CCDC149: variants seen among roughly 807,000 people sequenced by gnomAD.
CCDC149 encodes the protein coiled-coil domain containing 149.
In CCDC149, 45 loss-of-function variants were observed where a neutral mutation model predicts 59.9. That is an observed-to-expected ratio of 0.75 (90% confidence interval 0.59 to 0.96). The LOEUF is 0.96. Ranked by LOEUF, CCDC149 falls within the 40% of genes least tolerant of loss-of-function variation. The probability of loss-of-function intolerance (pLI) is 0.00; values close to 1 mark genes in which losing one functional copy is unlikely to be tolerated. For synonymous variants in CCDC149, 245 were observed against 260.6 expected (o/e 0.94, Z 0.58); for missense variants, 584 against 664.7 (o/e 0.88, Z 1.33).
chr4:24,962,240 G>A (rs1404734896), intron 1 of CCDC149, among the ~76,000 whole-genome samples: 2 of 152,140 alleles, frequency 1.3e-5, no homozygotes, highest in Non-Finnish European at 2.9e-5. Context: ...TCAGAGAAAT[G>A]CAAATCAAAA....
intron 1 of CCDC149, among the ~76,000 whole-genome samples, chr4:24,891,582 G>T: frequency 6.6e-6 from 1 of 152,214 alleles, no homozygotes; most frequent in East Asian, 1.9e-4. Flanking sequence ...AAAATGGGTT[G>T]TTCGGTTTAC....
At chr4:24,882,465 T>C (rs977585979) in intron 1 of CCDC149, among the ~76,000 whole-genome samples, 7 of 152,200 alleles carry the variant, frequency 4.6e-5, no homozygotes, top group Non-Finnish European at 1.0e-4. Context: ...GGGACCCTCA[T>C]GGGATAAATG....
intron 1 of CCDC149, among the ~76,000 whole-genome samples, chr4:24,886,169 C>T (rs1436064768): frequency 6.6e-6 from 1 of 152,210 alleles, no homozygotes; most frequent in Non-Finnish European, 1.5e-5. Flanking sequence ...TAGTAACTGA[C>T]ATTCTAACAA....
At chr4:24,878,703 T>C (rs1163410188) in intron 1 of CCDC149, among the ~76,000 whole-genome samples, 4 of 152,158 alleles carry the variant, frequency 2.6e-5, no homozygotes, top group South Asian at 4.2e-4. Flanking sequence ...CCAAAGACAC[T>C]CGTGCCTTCC....
At chr4:24,861,162 T>C (rs892720406) in intron 3 of CCDC149, among the ~76,000 whole-genome samples, 1 of 152,148 alleles carries the variant, frequency 6.6e-6, no homozygotes, top group Middle Eastern at 3.2e-3. Flanking sequence ...CACTTGCACA[T>C]GCATGTTTGT....
chr4:24,818,369 C>A (rs145204347), intron 12 of CCDC149, among the ~76,000 whole-genome samples: 15 of 151,988 alleles, frequency 9.9e-5, no homozygotes, highest in Admixed American at 2.0e-4. Flanking sequence ...GCAGATGGAA[C>A]CTTGTGGGGG....
intron 1 of CCDC149, among the ~76,000 whole-genome samples, chr4:24,891,201 C>G (rs535140937): frequency 6.6e-6 from 1 of 151,866 alleles, no homozygotes; most frequent in East Asian, 2.0e-4. Context: ...CTCAGCCCCC[C>G]CAGCAAAAAG....
At chr4:24,958,348 C>T (rs755836341) in intron 1 of CCDC149, among the ~76,000 whole-genome samples, 5 of 152,182 alleles carry the variant, frequency 3.3e-5, no homozygotes, top group African/African-American at 9.7e-5. Flanking sequence ...TGCCTTTCTG[C>T]CTGCAGTGCC....
At chr4:24,824,229 G>C (rs961039668) in intron 9 of CCDC149, among the ~76,000 whole-genome samples, 2 of 152,236 alleles carry the variant, frequency 1.3e-5, no homozygotes, top group African/African-American at 2.4e-5. Context: ...ATGGAACGAA[G>C]TGAATTTCCT....
At chr4:24,948,910 T>C (rs1723196386) in intron 1 of CCDC149, among the ~76,000 whole-genome samples, 1 of 152,224 alleles carries the variant, frequency 6.6e-6, no homozygotes, top group Non-Finnish European at 1.5e-5. Flanking sequence ...ACAAACTCTC[T>C]CTTTGCCATC....
intron 1 of CCDC149, among the ~76,000 whole-genome samples, chr4:24,902,687 A>G (rs1054256698): frequency 6.6e-5 from 10 of 152,164 alleles, no homozygotes; most frequent in African/African-American, 1.9e-4. Flanking sequence ...ATTGTTCGCT[A>G]TTGTGCATGG....
intron 1 of CCDC149, among the ~76,000 whole-genome samples, chr4:24,945,105 T>C (rs1723068715): frequency 6.6e-6 from 1 of 152,234 alleles, no homozygotes; most frequent in South Asian, 2.1e-4. Context: ...AATCACAGTT[T>C]GCTGGGCTCC....
In CCDC149 at chr4:24,836,508, C is replaced by A. The variant is rs1716532393; in HGVS notation, c.663G>T (p.Arg221Ser). ...GTTGCTTTAATCTCTCTTGAAGGTA[C>A]CTGAAAAAGAATACATAAAACTAGG... Residue 221 changes from arginine to serine, a missense_variant and splice_region_variant, in exon 7 of 13, where the codon AGG becomes AGT. Arg to Ser is a moderately radical substitution (Grantham distance 110). Transcript: ENST00000635206. 1.2e-6 allele frequency: 2 copies of A among 1,600,184 alleles called. No individual in the cohort carries two copies. Among genetic ancestry groups the A allele is most frequent in the South Asian group, 1.1e-5 (1 of 90,244 alleles).
At chr4:24,916,787 G>GGTGTGTGTGTGTGTGTGTGTGT, upstream of CCDC149, among the ~76,000 whole-genome samples, 2 of 142,016 alleles carry the variant, frequency 1.4e-5, no homozygotes, top group East Asian at 4.2e-4. Flanking sequence ...GGTTTATAAT[G>GGTGTGTGTGTGTGTGTGTGTGT]GTGTGTGTGT....
At chr4:24,877,843 T>A (rs866773958) in intron 1 of CCDC149, among the ~76,000 whole-genome samples, 6 of 152,166 alleles carry the variant, frequency 3.9e-5, no homozygotes, top group South Asian at 4.1e-4. Flanking sequence ...CCCACCATAC[T>A]GGCCAGCATG....
chr4:24,810,182 A>G (rs1714504592), intron 12 of CCDC149, among the ~76,000 whole-genome samples: 1 of 152,230 alleles, frequency 6.6e-6, no homozygotes, highest in East Asian at 1.9e-4. Flanking sequence ...TAGGCACTGC[A>G]CTAAACATTT....
intron 9 of CCDC149, 85 bp downstream of exon 9, chr4:24,831,421 G>T: frequency 7.0e-7 from 1 of 1,423,690 alleles, no homozygotes; most frequent in Non-Finnish European, 9.8e-7. Flanking sequence ...CAGGTCCGTC[G>T]TTCCAGCTGG....
intron 12 of CCDC149, among the ~76,000 whole-genome samples, chr4:24,810,344 G>C (rs1259659233): frequency 6.6e-6 from 1 of 152,108 alleles, no homozygotes; most frequent in Non-Finnish European, 1.5e-5. Context: ...AAAGAGAAGT[G>C]CACAGAACTT....
intron 10 of CCDC149, among the ~76,000 whole-genome samples, chr4:24,821,366 A>G (rs1715382144): frequency 6.6e-6 from 1 of 152,242 alleles, no homozygotes; most frequent in Non-Finnish European, 1.5e-5. Flanking sequence ...TCAATGCAAT[A>G]AAAGAAAGGC....
Sources: gnomAD v4.1 joint callset for allele counts (sites outside exome capture counted in the v4.1 genomes callset) on GRCh38, gnomAD v4.1.1 for gene constraint, MANE v1.5 for transcripts, NCBI Gene and HGNC (gene_info 2026-07-23, HGNC 2026-07-21) for gene names.